Variants in PGR observed in about 807,000 individuals in gnomAD.
PGR encodes nuclear receptor subfamily 3 group C member 3.
Under a neutral mutation model 76.1 loss-of-function variants are expected in PGR, and 25 were observed. The observed-to-expected ratio is 0.33, with a 90% CI of 0.24 to 0.46. The LOEUF is 0.46. Among genes scored for constraint, PGR ranks in the 20% least tolerant of loss-of-function variants. The probability of loss-of-function intolerance (pLI) is 1.00; values close to 1 mark genes in which losing one functional copy is unlikely to be tolerated. For missense variants in PGR, 1,172 were observed against 1,225.3 expected, an observed-to-expected ratio of 0.96 and a Z score of 0.65; for synonymous variants, 579 against 535.0, an observed-to-expected ratio of 1.08 and a Z score of -1.14.
chr11:101,127,501 C>G lies in PGR; in HGVS notation c.1570G>C (p.Gly524Arg). 6.5e-7 allele frequency: 1 copy of G among 1,547,458 alleles called. No homozygotes were observed. The highest frequency in any genetic ancestry group is 8.7e-7 in the Non-Finnish European group (1 of 1,151,078). The part of the protein sequence containing the change: ...ALGLNGLPQL[G>R]YQAAVLKEGL... ...TCCTTGAGCACGGCGGCCTGGTAGC[C>G]GAGCTGCGGGAGCCCGTTGAGGCCG... The change falls in exon 1 of 8, where the codon GGC becomes CGC. Residue 524 changes from glycine (G) to arginine (R), a missense_variant. Transcript: ENST00000325455.
Position 101,031,590 on chromosome 11 carries a change from C to CT in PGR, c.*7525dup, listed in dbSNP as rs760929776. 0.017 allele frequency: 3,084 copies of CT among 185,354 alleles called. 2 individuals carry two copies. Among genetic ancestry groups the CT allele is most frequent in the Middle Eastern group, 0.036 (20 of 558 alleles). 11.5% of individuals were successfully genotyped at this position (185,354 alleles called of 1,614,324 possible). On this transcript the variant is annotated 3_prime_UTR_variant, in exon 8 of 8. Coordinates refer to ENST00000325455, the MANE Select transcript of PGR (RefSeq NM_000926.4). The stretch of plus-strand genomic sequence containing the variant: ...TCACAATGTTCTACTGAGAATTTAG[C>CT]TTTTTTTTTTTTTTTGGAGTGGGTA...
At chr11:101,115,401 T>C (rs938565196) in intron 2 of PGR, among the ~76,000 whole-genome samples, 3 of 152,136 alleles carry the variant, frequency 2.0e-5, no homozygotes, top group African/African-American at 7.2e-5. Context: ...GAAAACTATA[T>C]GAAGTTAGGT....
chr11:101,098,320 G>T (rs954077377), intron 2 of PGR, among the ~76,000 whole-genome samples: 1 of 152,116 alleles, frequency 6.6e-6, no homozygotes, highest in Non-Finnish European at 1.5e-5. Flanking sequence ...AGTGAACATA[G>T]TTCACTTAGG....
rs922800978 is a variant in PGR at position 101,062,866 on chromosome 11, C to T, written c.1907-114G>A. Reference sequence around the variant, plus strand: ...TAGCATTATGCATTTTAGCATCAATCGAATGAAATAGAATAAAAGTGTTAG... The same window carrying T: ...TAGCATTATGCATTTTAGCATCAATTGAATGAAATAGAATAAAAGTGTTAG... On this transcript the variant is annotated intron_variant, in intron 3 of 7. Coordinates refer to ENST00000325455, the MANE Select transcript of PGR (RefSeq NM_000926.4). 210 of 426,834 alleles carry T rather than the reference C, an allele frequency of 4.9e-4. No homozygotes were observed. The African/African-American group carries it at 5.7e-3, about 12-fold the overall frequency. 26.4% of individuals were successfully genotyped at this position (426,834 alleles called of 1,614,324 possible).
At chr11:101,114,205 C>G (rs1193287332) in intron 2 of PGR, among the ~76,000 whole-genome samples, 1 of 152,182 alleles carries the variant, frequency 6.6e-6, no homozygotes. Flanking sequence ...TTCCACAATT[C>G]TCAGCTCACA....
rs575423086 is a variant in PGR at position 101,061,719 on chromosome 11, T to G, written c.2212+728A>C. Among the ~76,000 whole-genome samples, 42 of 152,320 alleles carry G rather than the reference T, an allele frequency of 2.8e-4. No individual in the cohort carries two copies. The South Asian group carries it at 2.9e-3, about 11-fold the overall frequency. On this transcript the variant is annotated intron_variant, in intron 4 of 7. Coordinates refer to ENST00000325455, the MANE Select transcript of PGR (RefSeq NM_000926.4). ...TTCACAAACAATTGCTATACATGTA[T>G]TCTCCTGGCTCTGCAGTCTAAGATT...
In PGR at chr11:101,128,564, C is replaced by G; in HGVS notation, c.507G>C (p.Gly169=). Residue 169 remains glycine, a synonymous_variant, in exon 1 of 8, where the codon GGG becomes GGC. Coordinates refer to ENST00000325455, the MANE Select transcript of PGR (RefSeq NM_000926.4). Reference sequence around the variant, plus strand: ...TCCCGGAGCTGTCTCCAACCTTGCACCCGGACCGGCTCATGAGCGGGGACA... The same window carrying G: ...TCCCGGAGCTGTCTCCAACCTTGCAGCCGGACCGGCTCATGAGCGGGGACA... ...RVLSPLMSRS[G]CKVGDSSGTA... 1.9e-6 allele frequency: 3 copies of G among 1,598,554 alleles called. No individual in the cohort carries two copies. Among genetic ancestry groups the G allele is most frequent in the Non-Finnish European group, 2.6e-6 (3 of 1,175,480 alleles).
At chr11:101,099,245 G>A (rs1026319567) in intron 2 of PGR, among the ~76,000 whole-genome samples, 3 of 152,200 alleles carry the variant, frequency 2.0e-5, no homozygotes, top group African/African-American at 7.2e-5. Context: ...GAGAATAAAT[G>A]TCTAGCTCCA....
intron 2 of PGR, among the ~76,000 whole-genome samples, chr11:101,092,818 T>C (rs1412684922): frequency 6.6e-6 from 1 of 152,214 alleles, no homozygotes; most frequent in Non-Finnish European, 1.5e-5. Flanking sequence ...AGTCTTTTAA[T>C]ATCATCAGCC....
intron 6 of PGR, among the ~76,000 whole-genome samples, chr11:101,045,853 G>T (rs906683815): frequency 6.6e-6 from 1 of 152,048 alleles, no homozygotes; most frequent in Admixed American, 6.6e-5. Flanking sequence ...CCTTTGGGTA[G>T]ATATCCAGTG....
chr11:101,092,950 A>G (rs1193349783), intron 2 of PGR, among the ~76,000 whole-genome samples: 1 of 152,158 alleles, frequency 6.6e-6, no homozygotes, highest in African/African-American at 2.4e-5. Context: ...AGTTGGTAGT[A>G]AAGGAACTCA....
intron 3 of PGR, among the ~76,000 whole-genome samples, chr11:101,085,383 TA>T (rs972234020): frequency 1.3e-5 from 2 of 150,970 alleles, no homozygotes; most frequent in African/African-American, 4.9e-5. Context: ...AAAATTAAAA[TA>T]AATGAAAACA....
At chr11:101,078,042 A>C (rs766760990) in intron 3 of PGR, among the ~76,000 whole-genome samples, 12 of 152,328 alleles carry the variant, frequency 7.9e-5, no homozygotes, top group Non-Finnish European at 1.2e-4. Flanking sequence ...AGAATTTTGC[A>C]GTTCTTCCAA....
chr11:101,049,802 ATTTC>A (rs1378365265), intron 6 of PGR, 123 bp downstream of exon 6: 4 of 712,412 alleles, frequency 5.6e-6, no homozygotes, highest in Non-Finnish European at 9.4e-6. Context: ...TATATTGGGT[ATTTC>A]TTCTTTATAC....
chr11:101,046,292 A>ATTTTTTTTTTTTTTTTTTT (rs540943297), intron 6 of PGR, among the ~76,000 whole-genome samples: 2 of 66,286 alleles, frequency 3.0e-5, no homozygotes, highest in Non-Finnish European at 5.0e-5. Context: ...CGCCTGGCTA[A>ATTTTTTTTTTTTTTTTTTT]TTTTTTTTTT....
chr11:101,056,042 G>T (rs531852913), intron 4 of PGR, among the ~76,000 whole-genome samples: 2 of 152,198 alleles, frequency 1.3e-5, no homozygotes, highest in South Asian at 4.1e-4. Flanking sequence ...GCCTAGTATA[G>T]AAATGCTATT....
intron 4 of PGR, among the ~76,000 whole-genome samples, chr11:101,059,385 T>A (rs1364303826): frequency 6.6e-6 from 1 of 152,098 alleles, no homozygotes; most frequent in African/African-American, 2.4e-5. Context: ...ATTAAAAAAA[T>A]TCAAATATCG....
chr11:101,079,961 T>C (rs918277173), intron 3 of PGR, among the ~76,000 whole-genome samples: 5 of 152,140 alleles, frequency 3.3e-5, no homozygotes, highest in Non-Finnish European at 5.9e-5. Context: ...ATGCCTCCCA[T>C]GCAGAGAATT....
rs1206684323 is a variant in PGR at position 101,037,027 on chromosome 11, G to C, written c.*2089C>G. The C allele has an allele frequency of 1.0e-5, 2 of 194,842 alleles. No individual in the cohort carries two copies. The highest frequency in any genetic ancestry group is 2.1e-5 in the Non-Finnish European group (2 of 93,714). The allele number at this position is 194,842 out of a possible 1,614,324, so 12.1% of individuals were successfully genotyped here. Reference sequence around the variant, plus strand: ...TTTCTTGTGTCACACAGTTCATTCTGAGAGGTGTCACTCTCACAGAGGTAG... The same window carrying C: ...TTTCTTGTGTCACACAGTTCATTCTCAGAGGTGTCACTCTCACAGAGGTAG... On this transcript the variant is annotated 3_prime_UTR_variant, in exon 8 of 8. Coordinates refer to ENST00000325455, the MANE Select transcript of PGR (RefSeq NM_000926.4).
Sources: allele counts gnomAD v4.1 joint callset (sites outside exome capture counted in the v4.1 genomes callset), GRCh38; gene constraint gnomAD v4.1.1; transcripts MANE v1.5; gene names NCBI Gene and HGNC (gene_info 2026-07-23, HGNC 2026-07-21).